Variants in BANP observed in about 807,000 individuals in gnomAD.
BANP encodes BTG3 associated nuclear protein, also known as protein BANP.
Under a neutral mutation model 68.1 loss-of-function variants are expected in BANP, and 11 were observed. The observed-to-expected ratio is 0.16, with a 90% CI of 0.10 to 0.27. The LOEUF (loss-of-function observed/expected upper bound fraction) is 0.27. Among genes scored for constraint, BANP ranks in the 10% least tolerant of loss-of-function variants. The pLI is 1.00. For synonymous variants in BANP, 329 were observed against 303.2 expected (o/e 1.09, Z -0.88); for missense variants, 504 against 722.7 (o/e 0.70, Z 3.47).
intron 7 of BANP, among the ~76,000 whole-genome samples, chr16:88,025,080 T>C (rs1221622187): frequency 1.3e-5 from 2 of 152,224 alleles, no homozygotes; most frequent in Non-Finnish European, 2.9e-5. Context: ...TGAGGATGTT[T>C]CTTTTTATCG....
At position 88,076,844 on chromosome 16, in the gene BANP, C is replaced by T; in HGVS notation, c.*183C>T. ...CTGAAAGAGCAGCCGCCGCCGCCCC[C>T]AGCCGGAGACCCCTTTCGTTTGAGT... On this transcript the variant is annotated 3_prime_UTR_variant, in exon 14 of 14. Coordinates refer to ENST00000682872, the MANE Select transcript of BANP (RefSeq NM_001386991.1). 1 of 585,492 alleles carries T rather than the reference C, an allele frequency of 1.7e-6. No homozygotes were observed. The highest frequency in any genetic ancestry group is 2.9e-5 in the East Asian group (1 of 34,090). The allele number at this position is 585,492 out of a possible 1,614,324, so 36.3% of individuals were successfully genotyped here.
intron 1 of BANP, among the ~76,000 whole-genome samples, chr16:87,967,533 G>A (rs1053803264): frequency 5.3e-5 from 8 of 151,958 alleles, no homozygotes; most frequent in Non-Finnish European, 7.4e-5. Context: ...TCAGCTCACC[G>A]CAAACTCTGC....
At chr16:88,053,450 CCAT>C (rs368132387) in intron 11 of BANP, among the ~76,000 whole-genome samples, 24,646 of 140,920 alleles carry the variant, frequency 0.17, 1,515 homozygotes, top group African/African-American at 0.29. Flanking sequence ...ACTGTCATCT[CCAT>C]CATCATCATC....
chr16:88,040,327 C>T (rs1351068470), intron 11 of BANP, among the ~76,000 whole-genome samples: 1 of 151,214 alleles, frequency 6.6e-6, no homozygotes, highest in Non-Finnish European at 1.5e-5. Context: ...ATGCAGGCTT[C>T]GTCCTCCGGG....
At chr16:87,962,239 CAAA>C (rs10660621) in intron 1 of BANP, among the ~76,000 whole-genome samples, 2 of 79,776 alleles carry the variant, frequency 2.5e-5, no homozygotes. Context: ...GACTTGGTCT[CAAA>C]AAAAAAAAAA....
chr16:87,990,543 T>C (rs2065651926), intron 4 of BANP, among the ~76,000 whole-genome samples: 1 of 152,220 alleles, frequency 6.6e-6, no homozygotes, highest in African/African-American at 2.4e-5. Context: ...ATTGATATTC[T>C]CAGTCAAAAT....
intron 3 of BANP, among the ~76,000 whole-genome samples, chr16:87,981,979 T>A (rs1482526543): frequency 6.6e-6 from 1 of 152,250 alleles, no homozygotes; most frequent in African/African-American, 2.4e-5. Flanking sequence ...TTTCATATAA[T>A]TCTTCTACTT....
intron 11 of BANP, among the ~76,000 whole-genome samples, chr16:88,052,901 CCAT>C (rs200442665): frequency 2.0e-4 from 31 of 151,818 alleles, no homozygotes; most frequent in South Asian, 6.2e-4. Context: ...ACTATCATCT[CCAT>C]CATCATCACC....
chr16:88,048,823 A>T (rs141325331), intron 11 of BANP, among the ~76,000 whole-genome samples: 191 of 152,078 alleles, frequency 1.3e-3, no homozygotes, highest in African/African-American at 4.1e-3. Flanking sequence ...TAAAGAAAGG[A>T]CATCGATTCT....
At chr16:88,068,993 ACCCAG>A (rs929759068) in intron 12 of BANP, among the ~76,000 whole-genome samples, 5 of 147,316 alleles carry the variant, frequency 3.4e-5, no homozygotes, top group African/African-American at 1.3e-4. Flanking sequence ...CTGCCCCTGC[ACCCAG>A]CCCAGCCCAG....
intron 1 of BANP, among the ~76,000 whole-genome samples, chr16:87,956,145 CCCA>C (rs1377621676): frequency 6.6e-6 from 1 of 152,172 alleles, no homozygotes; most frequent in East Asian, 1.9e-4. Flanking sequence ...CTGTACAAAT[CCCA>C]AAAACTCCAG....
At chr16:87,953,788 C>T (rs1567561510) in intron 1 of BANP, among the ~76,000 whole-genome samples, 1 of 152,224 alleles carries the variant, frequency 6.6e-6, no homozygotes, top group Non-Finnish European at 1.5e-5. Context: ...CCCTGTCCTT[C>T]TCATCTGGAT....
intron 6 of BANP, among the ~76,000 whole-genome samples, chr16:88,016,438 C>T (rs935936176): frequency 4.6e-5 from 7 of 152,176 alleles, no homozygotes; most frequent in African/African-American, 1.7e-4. Flanking sequence ...TGCCTTGGCT[C>T]ACACGTCCCC....
intron 11 of BANP, among the ~76,000 whole-genome samples, chr16:88,038,300 G>C (rs1024245582): frequency 6.6e-6 from 1 of 152,206 alleles, no homozygotes; most frequent in African/African-American, 2.4e-5. Flanking sequence ...TCTCGCGGGA[G>C]GGAGCGAGGG....
At chr16:87,973,136 T>G (rs1164882052) in intron 1 of BANP, among the ~76,000 whole-genome samples, 2 of 152,106 alleles carry the variant, frequency 1.3e-5, no homozygotes, top group Non-Finnish European at 2.9e-5. Flanking sequence ...TGTGTCTGTA[T>G]GGGAGGATTT....
chr16:88,010,135 T>C (rs1187149424), intron 6 of BANP, among the ~76,000 whole-genome samples: 3 of 152,238 alleles, frequency 2.0e-5, no homozygotes, highest in African/African-American at 4.8e-5. Context: ...TACTTGAAAG[T>C]GTGTGGGGCC....
intron 11 of BANP, among the ~76,000 whole-genome samples, chr16:88,044,287 A>G (rs1450333697): frequency 6.6e-6 from 1 of 152,014 alleles, no homozygotes; most frequent in Non-Finnish European, 1.5e-5. Flanking sequence ...CTCCTCTCTC[A>G]CTCATGCATG....
At chr16:88,063,988 C>T (rs576401644) in intron 11 of BANP, among the ~76,000 whole-genome samples, 2 of 152,236 alleles carry the variant, frequency 1.3e-5, no homozygotes, top group East Asian at 1.9e-4. Context: ...TAGAAATGAG[C>T]GAAACACTTA....
rs1490676301 is a variant in BANP, at chr16:88,004,105, TC to T, written c.363-188del. ...AAAAACCCCATCTCCAGTTTATTCTTCCTTAGCATTTGGGGCTCCTTCCCCC... is the reference window on the plus strand; with the variant it reads ...AAAAACCCCATCTCCAGTTTATTCTTCTTAGCATTTGGGGCTCCTTCCCCC... On this transcript the variant is annotated intron_variant, in intron 4 of 13. Transcript: ENST00000682872. The surrounding 1 kb of genome is among the most constrained non-coding windows in gnomAD (Gnocchi z 7.0). Among the ~76,000 whole-genome samples, 3 of 152,188 alleles carry T rather than the reference TC, an allele frequency of 2.0e-5. No homozygotes were observed. Among genetic ancestry groups the T allele is most frequent in the Non-Finnish European group, 1.5e-5 (1 of 68,032 alleles).
Sources: allele counts gnomAD v4.1 joint callset (sites outside exome capture counted in the v4.1 genomes callset), GRCh38; gene constraint gnomAD v4.1.1; non-coding constraint Gnocchi (gnomAD v3.1); transcripts MANE v1.5; gene names NCBI Gene and HGNC (gene_info 2026-07-23, HGNC 2026-07-21).